The following SLC12A8 variants were observed in gnomAD, a reference collection of about 807,000 sequenced individuals.
The protein encoded by SLC12A8 is cation-chloride cotransporter 9.
A neutral mutation model predicts 75.6 loss-of-function variants in SLC12A8; 69 were observed. The observed-to-expected ratio is 0.91, with a 90% CI of 0.75 to 1.11. The LOEUF (loss-of-function observed/expected upper bound fraction) is 1.11. Ranked by LOEUF, SLC12A8 falls within the 50% of genes most tolerant of loss-of-function variation. The pLI, the probability that SLC12A8 is intolerant of heterozygous loss-of-function variation, is 0.00. For missense variants in SLC12A8, 877 were observed against 896.7 expected (o/e 0.98, Z 0.28); for synonymous variants, 365 against 372.8 (o/e 0.98, Z 0.24).
rs369627376 is a variant in SLC12A8 at position 125,123,832 on chromosome 3, C to T, written c.737-3146G>A. 5.9e-5 allele frequency among the ~76,000 whole-genome samples: 9 copies of T among 152,226 alleles called. No individual in the cohort carries two copies. In the East Asian group the frequency reaches 1.7e-3, roughly 29 times the overall value. ...TATCATGACATAGTGCTCTTTATTC[C>T]TCGCCATTGTTGTACCTCCTACAGT... On this transcript the variant is annotated intron_variant, in intron 6 of 13. Transcript: ENST00000469902.
chr3:125,172,274 T>TAAAA lies in SLC12A8; in HGVS notation c.622+5465_622+5468dup, dbSNP rs34741672. 3.5e-3 allele frequency among the ~76,000 whole-genome samples: 513 copies of TAAAA among 145,776 alleles called. 3 individuals carry two copies. Among genetic ancestry groups the TAAAA allele is most frequent in the African/African-American group, 8.8e-3 (349 of 39,498 alleles). The stretch of plus-strand genomic sequence containing the variant: ...GGGTGACAAGCACAAAACTCCTTCT[T>TAAAA]AAAAAAAAAAAAAATTCATCTTCTC... On this transcript the variant is annotated intron_variant, in intron 5 of 13. Coordinates refer to ENST00000469902, the MANE Select transcript of SLC12A8 (RefSeq NM_024628.6).
intron 5 of SLC12A8, among the ~76,000 whole-genome samples, chr3:125,157,488 C>T (rs564797737): frequency 2.6e-5 from 4 of 152,306 alleles, no homozygotes; most frequent in African/African-American, 9.6e-5. Context: ...TCTGCCTCCT[C>T]GCTTTGAAGC....
rs566749253 is a variant in SLC12A8, at chr3:125,202,863, G to T, written c.51+8436C>A. Among the ~76,000 whole-genome samples, 7 of 151,986 alleles carry T rather than the reference G, an allele frequency of 4.6e-5. No individual in the cohort carries two copies. The East Asian group carries it at 1.4e-3, about 29-fold the overall frequency. On this transcript the variant is annotated intron_variant, in intron 2 of 13. Transcript: ENST00000469902. ...AGTACTTTGGGAGGCCAAGGCGGGCGGATCACCTGAGGTCAGGAGTTTGAG... is the reference window on the plus strand; with the variant it reads ...AGTACTTTGGGAGGCCAAGGCGGGCTGATCACCTGAGGTCAGGAGTTTGAG...
At chr3:125,179,658 G>A (rs1333306733) in intron 4 of SLC12A8, among the ~76,000 whole-genome samples, 3 of 151,958 alleles carry the variant, frequency 2.0e-5, no homozygotes, top group Admixed American at 2.0e-4. Flanking sequence ...TCCATATTAG[G>A]ATGAGGTGGA....
At chr3:125,140,867 G>A (rs566373838) in intron 5 of SLC12A8, among the ~76,000 whole-genome samples, 1 of 152,276 alleles carries the variant, frequency 6.6e-6, no homozygotes, top group Non-Finnish European at 1.5e-5. Context: ...TTACAGGCGT[G>A]AGCCACCACG....
chr3:125,146,822 G>C (rs1448709868), intron 5 of SLC12A8, among the ~76,000 whole-genome samples: 1 of 152,212 alleles, frequency 6.6e-6, no homozygotes, highest in East Asian at 1.9e-4. Flanking sequence ...TACATTTTTT[G>C]TAGAGACAAG....
intron 10 of SLC12A8, among the ~76,000 whole-genome samples, chr3:125,106,797 C>G (rs748726740): frequency 2.5e-4 from 38 of 152,142 alleles, no homozygotes; most frequent in Non-Finnish European, 2.4e-4. Context: ...GGGTGATGTC[C>G]AGCTGTGCAA....
chr3:125,119,933 A>G (rs965357855), intron 7 of SLC12A8: 1 of 456,514 alleles, frequency 2.2e-6, no homozygotes, highest in African/African-American at 2.0e-5. Context: ...GGTCAGAAAT[A>G]GACCCAAGGT....
intron 5 of SLC12A8, among the ~76,000 whole-genome samples, chr3:125,163,494 G>T (rs964612067): frequency 6.6e-5 from 10 of 151,388 alleles, no homozygotes; most frequent in Non-Finnish European, 5.9e-5. Context: ...AGCTACTTGG[G>T]AGGCTGAGGC....
At position 125,108,234 on chromosome 3, in the gene SLC12A8, C is replaced by T. The variant is rs1939091676; in HGVS notation, c.1060-108G>A. ...ACAACTCATAATGACTCAGCCACTTCTCCCCATGTGATTATTCATCTATAA... is the reference window on the plus strand; with the variant it reads ...ACAACTCATAATGACTCAGCCACTTTTCCCCATGTGATTATTCATCTATAA... On this transcript the variant is annotated intron_variant, in intron 9 of 13. Transcript: ENST00000469902. 2.3e-5 allele frequency: 25 copies of T among 1,082,190 alleles called. No individual in the cohort carries two copies. The South Asian group carries it at 3.6e-4, about 16-fold the overall frequency. 67.0% of individuals were successfully genotyped at this position (1,082,190 alleles called of 1,614,324 possible).
chr3:125,191,525 G>T (rs1315719710), intron 2 of SLC12A8, among the ~76,000 whole-genome samples: 1 of 152,204 alleles, frequency 6.6e-6, no homozygotes, highest in Non-Finnish European at 1.5e-5. Context: ...AAAGCTAGGA[G>T]TCACTGTGTG....
At chr3:125,167,958 A>G (rs993658386) in intron 5 of SLC12A8, among the ~76,000 whole-genome samples, 4 of 152,224 alleles carry the variant, frequency 2.6e-5, no homozygotes, top group Non-Finnish European at 4.4e-5. Flanking sequence ...TCCAATAGCA[A>G]TAGAAAGCAA....
chr3:125,157,967 G>A (rs1305365110), intron 5 of SLC12A8, among the ~76,000 whole-genome samples: 3 of 152,170 alleles, frequency 2.0e-5, no homozygotes, highest in Non-Finnish European at 1.5e-5. Flanking sequence ...TTAGAGTGGA[G>A]GAGAGAGGGA....
At chr3:125,130,698 G>A (rs575715265) in intron 6 of SLC12A8, among the ~76,000 whole-genome samples, 8 of 152,286 alleles carry the variant, frequency 5.3e-5, no homozygotes, top group South Asian at 4.1e-4. Flanking sequence ...CTCATACTCT[G>A]GGCTACTGGG....
intron 10 of SLC12A8, among the ~76,000 whole-genome samples, chr3:125,099,534 G>C (rs544881932): frequency 6.6e-6 from 1 of 152,082 alleles, no homozygotes; most frequent in Non-Finnish European, 1.5e-5. Context: ...CTTCAAAGCA[G>C]CTGTTAAAAA....
Position 125,091,568 on chromosome 3 carries a change from G to C in SLC12A8, c.1804-12C>G, listed in dbSNP as rs200012440. 1 of 1,578,156 alleles carries C rather than the reference G, an allele frequency of 6.3e-7. No homozygotes were observed. Among genetic ancestry groups the C allele is most frequent in the African/African-American group, 1.3e-5 (1 of 74,304 alleles). On this transcript the variant is annotated splice_polypyrimidine_tract_variant and intron_variant, in intron 11 of 13. Transcript: ENST00000469902. ...AGGGACCCAACAGCCTGTGAAAACAGAGTAGGAAGAGCAAATCACCTAATG... is the reference window on the plus strand; with the variant it reads ...AGGGACCCAACAGCCTGTGAAAACACAGTAGGAAGAGCAAATCACCTAATG...
At chr3:125,205,365 G>A (rs1935206508) in intron 2 of SLC12A8, among the ~76,000 whole-genome samples, 1 of 151,852 alleles carries the variant, frequency 6.6e-6, no homozygotes, top group Non-Finnish European at 1.5e-5. Flanking sequence ...GTACAAATGA[G>A]TCACAGAACC....
chr3:125,137,917 G>A (rs762475950), intron 5 of SLC12A8, among the ~76,000 whole-genome samples: 4 of 149,942 alleles, frequency 2.7e-5, no homozygotes, highest in Non-Finnish European at 3.0e-5. Context: ...GCTGACACAC[G>A]CTCACGCTCA....
intron 5 of SLC12A8, among the ~76,000 whole-genome samples, chr3:125,141,524 G>A (rs967437677): frequency 2.6e-5 from 4 of 152,354 alleles, no homozygotes; most frequent in African/African-American, 9.6e-5. Flanking sequence ...TGGCACCTGC[G>A]GTGCCCCCGA....
Sources: allele counts gnomAD v4.1 joint callset (sites outside exome capture counted in the v4.1 genomes callset), GRCh38; gene constraint gnomAD v4.1.1; transcripts MANE v1.5; gene names NCBI Gene and HGNC (gene_info 2026-07-23, HGNC 2026-07-21).